The following SPIDR variants were observed in gnomAD, a reference collection of about 807,000 sequenced individuals.
SPIDR encodes the protein scaffold protein involved in DNA repair.
SPIDR carries 93 observed loss-of-function variants against 104.6 expected under a neutral mutation model. The observed-to-expected ratio is 0.89, with a 90% CI of 0.75 to 1.06. The LOEUF is 1.06. SPIDR is among the 50% of genes least tolerant of loss of function. SPIDR has a pLI of 0.00. For missense variants in SPIDR, 1,154 were observed against 1,111.2 expected, an observed-to-expected ratio of 1.04 and a Z score of -0.55; for synonymous variants, 431 against 416.9, an observed-to-expected ratio of 1.03 and a Z score of -0.41.
At chr8:47,520,688 C>T (rs953193939) in intron 8 of SPIDR, among the ~76,000 whole-genome samples, 2 of 152,192 alleles carry the variant, frequency 1.3e-5, no homozygotes, top group African/African-American at 4.8e-5. Context: ...GGAGGTATTA[C>T]TGTAAATTTG....
At chr8:47,507,866 T>C (rs2081720993) in intron 8 of SPIDR, among the ~76,000 whole-genome samples, 1 of 152,206 alleles carries the variant, frequency 6.6e-6, no homozygotes, top group South Asian at 2.1e-4. Context: ...CCCCAAAACC[T>C]TGGGACTTCC....
chr8:47,713,480 T>G lies in SPIDR; in HGVS notation c.2189-9T>G. 6.2e-7 allele frequency: 1 copy of G among 1,614,156 alleles called. No individual in the cohort carries two copies. Among genetic ancestry groups the G allele is most frequent in the Non-Finnish European group, 8.5e-7 (1 of 1,179,994 alleles). On this transcript the variant is annotated splice_polypyrimidine_tract_variant and intron_variant, in intron 15 of 19. Transcript: ENST00000297423. ...AGGCTTCAATAACCTGAAGTGTCTCTGTCGGCAGGTCGGATTGTTTGTGCT... is the reference window on the plus strand; with the variant it reads ...AGGCTTCAATAACCTGAAGTGTCTCGGTCGGCAGGTCGGATTGTTTGTGCT...
At chr8:47,270,028 T>C (rs1313567895) in intron 1 of SPIDR, among the ~76,000 whole-genome samples, 17 of 152,344 alleles carry the variant, frequency 1.1e-4, no homozygotes, top group African/African-American at 3.8e-4. Context: ...TGTATAACTC[T>C]TTGTATATGT....
intron 10 of SPIDR, among the ~76,000 whole-genome samples, chr8:47,600,512 G>A (rs1349147255): frequency 6.6e-6 from 1 of 152,180 alleles, no homozygotes; most frequent in African/African-American, 2.4e-5. Context: ...TTGAGGTCTA[G>A]AGTTGGAGAA....
chr8:47,599,933 T>C (rs1476193191), intron 10 of SPIDR, among the ~76,000 whole-genome samples: 1 of 152,182 alleles, frequency 6.6e-6, no homozygotes, highest in Non-Finnish European at 1.5e-5. Context: ...AATTTTTGTA[T>C]TTTTAGTAGA....
At position 47,585,472 on chromosome 8, in the gene SPIDR, A is replaced by G. The variant is rs535660529; in HGVS notation, c.1098-10339A>G. Among the ~76,000 whole-genome samples the G allele has an allele frequency of 3.9e-5, 6 of 152,298 alleles. No individual in the cohort carries two copies. In the East Asian group the frequency reaches 1.2e-3, roughly 29 times the overall value. On this transcript the variant is annotated intron_variant, in intron 8 of 19. Transcript: ENST00000297423. ...TAATTGTAGATTTACATTTAGTTGT[A>G]CAAAATAATACAGACAGATCAACTT...
At chr8:47,612,901 C>T (rs961482181) in intron 10 of SPIDR, among the ~76,000 whole-genome samples, 2 of 152,188 alleles carry the variant, frequency 1.3e-5, no homozygotes, top group East Asian at 1.9e-4. Flanking sequence ...ACTGCCGCCA[C>T]GGAGGAAATG....
chr8:47,444,902 A>G (rs1408588786), intron 8 of SPIDR, among the ~76,000 whole-genome samples: 1 of 152,208 alleles, frequency 6.6e-6, no homozygotes, highest in East Asian at 1.9e-4. Flanking sequence ...TACTATCATA[A>G]ACAGCTATGT....
intron 18 of SPIDR, 51 bp from the exon 19 acceptor site, chr8:47,729,361 C>T: frequency 2.6e-6 from 4 of 1,554,026 alleles, no homozygotes; most frequent in Non-Finnish European, 3.5e-6. Flanking sequence ...TTAACTTGAG[C>T]ACTTACTGTG....
chr8:47,682,357 G>A (rs2077213108), intron 11 of SPIDR, among the ~76,000 whole-genome samples: 1 of 152,092 alleles, frequency 6.6e-6, no homozygotes, highest in South Asian at 2.1e-4. Flanking sequence ...GACAGCAGAT[G>A]GGCTGCCAGG....
intron 1 of SPIDR, among the ~76,000 whole-genome samples, chr8:47,265,228 C>T (rs981182590): frequency 8.2e-5 from 11 of 133,370 alleles, no homozygotes; most frequent in Admixed American, 7.5e-4. Context: ...CTTACTCTGT[C>T]GCCCAGGCTG....
At chr8:47,434,675 C>T (rs988916892) in intron 7 of SPIDR, among the ~76,000 whole-genome samples, 5 of 151,970 alleles carry the variant, frequency 3.3e-5, no homozygotes, top group South Asian at 4.2e-4. Flanking sequence ...ACTTGCTTCA[C>T]GGAGAATAAT....
intron 10 of SPIDR, among the ~76,000 whole-genome samples, chr8:47,671,843 T>A (rs1012569468): frequency 1.3e-5 from 2 of 152,234 alleles, no homozygotes; most frequent in South Asian, 4.1e-4. Context: ...CTTATTTGTG[T>A]GCTTCTTGCT....
At chr8:47,288,291 C>CT (rs782147624) in intron 3 of SPIDR, among the ~76,000 whole-genome samples, 4,418 of 145,728 alleles carry the variant, frequency 0.03, 169 homozygotes, top group African/African-American at 0.092. Context: ...TAACTTCCTT[C>CT]TTTTTTTTTT....
chr8:47,621,889 C>T (rs1382753878), intron 10 of SPIDR, among the ~76,000 whole-genome samples: 3 of 152,098 alleles, frequency 2.0e-5, no homozygotes, highest in African/African-American at 4.8e-5. Flanking sequence ...TGCTTGAACC[C>T]GGGAGGCGGA....
At chr8:47,653,993 G>A in intron 10 of SPIDR, 1 of 1,273,402 alleles carries the variant, frequency 7.9e-7, no homozygotes, top group South Asian at 1.2e-5. Context: ...TTAGATGAGT[G>A]GGAGTGGCAA....
intron 8 of SPIDR, among the ~76,000 whole-genome samples, chr8:47,498,361 TTAAA>T (rs1224779747): frequency 1.3e-5 from 2 of 152,172 alleles, no homozygotes; most frequent in African/African-American, 4.8e-5. Flanking sequence ...GCAACCCAGG[TTAAA>T]TATGCTCTTT....
At chr8:47,686,938 G>A (rs974806523) in intron 11 of SPIDR, among the ~76,000 whole-genome samples, 1 of 149,452 alleles carries the variant, frequency 6.7e-6, no homozygotes, top group African/African-American at 2.5e-5. Flanking sequence ...TTTAGTTAGG[G>A]TTCTTTTTTT....
chr8:47,678,559 C>T (rs532425172), intron 11 of SPIDR, among the ~76,000 whole-genome samples: 78 of 152,290 alleles, frequency 5.1e-4, no homozygotes, highest in African/African-American at 1.7e-3. Context: ...ACCTAGCAAG[C>T]ACCCACACAG....
Sources: gnomAD v4.1 joint callset for allele counts (sites outside exome capture counted in the v4.1 genomes callset) on GRCh38, gnomAD v4.1.1 for gene constraint, MANE v1.5 for transcripts, NCBI Gene and HGNC (gene_info 2026-07-23, HGNC 2026-07-21) for gene names.